The following SGCZ variants were observed in gnomAD, a reference collection of about 807,000 sequenced individuals.
The protein encoded by SGCZ is sarcoglycan zeta.
Under a neutral mutation model 41.3 loss-of-function variants are expected in SGCZ, and 40 were observed. That is an observed-to-expected ratio of 0.97 (90% confidence interval 0.75 to 1.26). SGCZ has a LOEUF of 1.26. Ranked by LOEUF, SGCZ falls within the 50% of genes most tolerant of loss-of-function variation. SGCZ has a pLI of 0.00. For missense variants in SGCZ, 552 were observed against 369.8 expected (o/e 1.49, Z -4.04); for synonymous variants, 206 against 137.5 (o/e 1.50, Z -3.49).
At chr8:14,799,534 A>G (rs1190119811) in intron 1 of SGCZ, among the ~76,000 whole-genome samples, 1 of 152,098 alleles carries the variant, frequency 6.6e-6, no homozygotes, top group African/African-American at 2.4e-5. Context: ...AAGTCAGGAG[A>G]GACTCAAGAC....
chr8:14,412,564 C>CACAT (rs1164062998), intron 2 of SGCZ, among the ~76,000 whole-genome samples: 2 of 152,060 alleles, frequency 1.3e-5, no homozygotes, highest in Admixed American at 1.3e-4. Flanking sequence ...CAGGTAAAAA[C>CACAT]ACATACTCTG....
At chr8:14,460,004 G>C (rs1174084550) in intron 2 of SGCZ, among the ~76,000 whole-genome samples, 3 of 151,994 alleles carry the variant, frequency 2.0e-5, no homozygotes, top group African/African-American at 7.2e-5. Flanking sequence ...TTATATCCTG[G>C]TGAAAAAAGA....
intron 1 of SGCZ, among the ~76,000 whole-genome samples, chr8:15,180,582 TA>T (rs112582741): frequency 0.06 from 8,750 of 146,208 alleles, 306 homozygotes; most frequent in Non-Finnish European, 0.077. Context: ...AAGAACAAGT[TA>T]AAAAAAAAAA....
intron 1 of SGCZ, among the ~76,000 whole-genome samples, chr8:14,669,916 T>C (rs2117507273): frequency 6.6e-6 from 1 of 152,308 alleles, no homozygotes; most frequent in Non-Finnish European, 1.5e-5. Context: ...ACATAGGAAT[T>C]AAACTAACAC....
rs113565759 is a variant in SGCZ, at chr8:14,740,515, A to G, written c.40-185589T>C. ...TCACAAACACATTTGGTAAGTTGGCAAAATAACGTACTATGAATGTCCACT... is the reference window on the plus strand; with the variant it reads ...TCACAAACACATTTGGTAAGTTGGCGAAATAACGTACTATGAATGTCCACT... On this transcript the variant is annotated intron_variant, in intron 1 of 7. Transcript: ENST00000382080. Among the ~76,000 whole-genome samples, 97 of 152,176 alleles carry G rather than the reference A, an allele frequency of 6.4e-4. 1 individual carries two copies. Among genetic ancestry groups the G allele is most frequent in the African/African-American group, 2.2e-3 (90 of 41,558 alleles).
chr8:15,100,291 T>C (rs1460003437), intron 1 of SGCZ, among the ~76,000 whole-genome samples: 3 of 152,200 alleles, frequency 2.0e-5, no homozygotes, highest in Non-Finnish European at 4.4e-5. Context: ...AGTCCATTTA[T>C]TTTTTATATT....
intron 1 of SGCZ, among the ~76,000 whole-genome samples, chr8:15,153,761 G>C (rs1799248009): frequency 6.6e-6 from 1 of 152,156 alleles, no homozygotes; most frequent in Non-Finnish European, 1.5e-5. Flanking sequence ...CTCAGAAGCA[G>C]AGGCTGGCAC....
intron 1 of SGCZ, among the ~76,000 whole-genome samples, chr8:14,771,572 T>C (rs899527029): frequency 6.6e-6 from 1 of 152,134 alleles, no homozygotes; most frequent in African/African-American, 2.4e-5. Context: ...AAACAATTGA[T>C]TTGCTATTGG....
chr8:14,645,316 A>C (rs13265084), intron 1 of SGCZ, among the ~76,000 whole-genome samples: 112,436 of 150,430 alleles, frequency 0.75, 42,238 homozygotes, highest in East Asian at 0.91. Flanking sequence ...AATAATCATG[A>C]TTTTTTAAAT....
chr8:14,504,475 T>C (rs1233830722), intron 2 of SGCZ, among the ~76,000 whole-genome samples: 3 of 152,208 alleles, frequency 2.0e-5, no homozygotes, highest in Admixed American at 6.6e-5. Context: ...ATCACCTGCT[T>C]CACTCTATTG....
chr8:14,186,842 C>G (rs1394214612), intron 4 of SGCZ, among the ~76,000 whole-genome samples: 1 of 152,114 alleles, frequency 6.6e-6, no homozygotes, highest in Non-Finnish European at 1.5e-5. Context: ...TACAGGGTAG[C>G]TAGTTTAGTG....
intron 1 of SGCZ, among the ~76,000 whole-genome samples, chr8:15,160,876 A>T (rs1436885489): frequency 6.6e-6 from 1 of 152,114 alleles, no homozygotes; most frequent in East Asian, 1.9e-4. Flanking sequence ...GGCATCCTTG[A>T]GACAGTCTTG....
intron 1 of SGCZ, among the ~76,000 whole-genome samples, chr8:14,714,240 T>A (rs1380700004): frequency 6.6e-6 from 1 of 152,134 alleles, no homozygotes; most frequent in African/African-American, 2.4e-5. Context: ...GTACTAAGAT[T>A]ACAGGCATGA....
chr8:14,848,124 G>A (rs1325473637), intron 1 of SGCZ, among the ~76,000 whole-genome samples: 2 of 152,008 alleles, frequency 1.3e-5, no homozygotes, highest in South Asian at 2.1e-4. Context: ...ATATACAGTA[G>A]CATAAAATTA....
intron 1 of SGCZ, among the ~76,000 whole-genome samples, chr8:14,956,916 A>G (rs2130845263): frequency 6.6e-6 from 1 of 152,250 alleles, no homozygotes; most frequent in Non-Finnish European, 1.5e-5. Flanking sequence ...TTTAATTGAC[A>G]GCATATTTTT....
chr8:14,838,118 A>C (rs1802767087), intron 1 of SGCZ, among the ~76,000 whole-genome samples: 1 of 152,174 alleles, frequency 6.6e-6, no homozygotes, highest in African/African-American at 2.4e-5. Flanking sequence ...GTTCTCACTC[A>C]TATGCGGGAT....
At chr8:14,891,811 C>T (rs1178082279) in intron 1 of SGCZ, among the ~76,000 whole-genome samples, 1 of 152,208 alleles carries the variant, frequency 6.6e-6, no homozygotes, top group East Asian at 1.9e-4. Flanking sequence ...TCTTTAGCAA[C>T]CATCACCCTC....
intron 4 of SGCZ, among the ~76,000 whole-genome samples, chr8:14,176,392 C>A (rs532845536): frequency 6.6e-6 from 1 of 152,038 alleles, no homozygotes; most frequent in African/African-American, 2.4e-5. Flanking sequence ...AATTTAAAAA[C>A]TTTAAAATAA....
At chr8:14,223,630 G>T (rs1806278379) in intron 4 of SGCZ, among the ~76,000 whole-genome samples, 1 of 152,050 alleles carries the variant, frequency 6.6e-6, no homozygotes, top group South Asian at 2.1e-4. Context: ...TTGTTAAAGG[G>T]ACAGATGCTA....
Sources: allele counts gnomAD v4.1 joint callset (sites outside exome capture counted in the v4.1 genomes callset), GRCh38; gene constraint gnomAD v4.1.1; transcripts MANE v1.5; gene names NCBI Gene and HGNC (gene_info 2026-07-23, HGNC 2026-07-21).